Variants in NIT1 observed in about 807,000 individuals in gnomAD.
NIT1 encodes nitrilase 1.
A neutral mutation model predicts 36.8 loss-of-function variants in NIT1; 30 were observed. The observed-to-expected ratio is 0.82, with a 90% CI of 0.61 to 1.11. The LOEUF is 1.11. NIT1 is among the 50% of genes least tolerant of loss of function. NIT1 has a pLI of 0.00. For missense variants in NIT1, 438 were observed against 410.6 expected (o/e 1.07, Z -0.58); for synonymous variants, 151 against 155.6 (o/e 0.97, Z 0.22).
rs1190343183 is a variant in NIT1, at chr1:161,119,175, C to G, written c.140C>G (p.Pro47Arg). Reference protein sequence around the residue: ...MAISSSSCELPLVAVCQVTST... With the variant: ...MAISSSSCELRLVAVCQVTST... ...ATCTCCTCTTCCTCCTGCGAACTGC[C>G]CCTGGTGGCTGTGTGCCAGGTAACA... Residue 47 changes from proline to arginine, a missense_variant, in exon 3 of 7, where the codon CCC becomes CGC. Coordinates refer to ENST00000368009, the MANE Select transcript of NIT1 (RefSeq NM_005600.3). The G allele has an allele frequency of 1.2e-6, 2 of 1,614,104 alleles. No individual in the cohort carries two copies. Among genetic ancestry groups the G allele is most frequent in the Non-Finnish European group, 8.5e-7 (1 of 1,180,014 alleles).
In NIT1 at chr1:161,120,621, A is replaced by G; in HGVS notation, c.840A>G (p.Thr280=). The G allele has an allele frequency of 6.2e-7, 1 of 1,614,202 alleles. No homozygotes were observed. Among genetic ancestry groups the G allele is most frequent in the Non-Finnish European group, 8.5e-7 (1 of 1,180,040 alleles). ...GCATGGTGGTAGACCCCTGGGGAAC[A>G]GTGGTGGCCCGCTGCTCTGAGGGGC... is the stretch of plus-strand genomic sequence containing the variant. ...GHSMVVDPWG[T]VVARCSEGPG... is the part of the protein sequence containing the mutation. The change falls in exon 7 of 7, where the codon ACA becomes ACG. Residue 280 remains threonine, a synonymous_variant. Coordinates refer to ENST00000368009, the MANE Select transcript of NIT1 (RefSeq NM_005600.3).
Position 161,119,806 on chromosome 1 carries a change from T to C in NIT1, c.458-13T>C. On this transcript the variant is annotated splice_polypyrimidine_tract_variant and intron_variant, in intron 4 of 6. Coordinates refer to ENST00000368009, the MANE Select transcript of NIT1 (RefSeq NM_005600.3). ...AGAACACCAGCACTGATATTCCTTCTTTCTTACTGTAGGGGCAGTAGTGGC... is the reference window on the plus strand; with the variant it reads ...AGAACACCAGCACTGATATTCCTTCCTTCTTACTGTAGGGGCAGTAGTGGC... 4.4e-6 allele frequency: 7 copies of C among 1,587,470 alleles called. No homozygotes were observed. Among genetic ancestry groups the C allele is most frequent in the Non-Finnish European group, 6.0e-6 (7 of 1,168,686 alleles).
In NIT1 at chr1:161,118,126, T is replaced by G; in HGVS notation, c.-51T>G. ...GCCCACTCGCTGCGGCGCTTCTGGC[T>G]CCAGACCGCCCTCCGGATCGGACCC... On this transcript the variant is annotated 5_prime_UTR_variant, in exon 1 of 7. Coordinates refer to ENST00000368009, the MANE Select transcript of NIT1 (RefSeq NM_005600.3). 6.2e-7 allele frequency: 1 copy of G among 1,613,784 alleles called. No individual in the cohort carries two copies. The highest frequency in any genetic ancestry group is 8.5e-7 in the Non-Finnish European group (1 of 1,179,880).
At chr1:161,123,415 G>T (rs2101740286), downstream of NIT1, among the ~76,000 whole-genome samples, 1 of 152,318 alleles carries the variant, frequency 6.6e-6, no homozygotes, top group Admixed American at 6.5e-5. Context: ...CAAGGCGGGT[G>T]GATCATGAGG....
At position 161,120,759 on chromosome 1, in the gene NIT1, G is replaced by A; in HGVS notation, c.978G>A (p.Leu326=). 6.2e-7 allele frequency: 1 copy of A among 1,612,910 alleles called. No homozygotes were observed. The highest frequency in any genetic ancestry group is 8.5e-7 in the Non-Finnish European group (1 of 1,179,876). Residue 326 remains leucine (L), a synonymous_variant, in exon 7 of 7, where the codon CTG becomes CTA. Transcript: ENST00000368009. Reference sequence around the variant, plus strand: ...TCTATGGCAATCTGGGTCACCCACTGTCTTAAGACTTGACTTCTGTGAGTT... The same window carrying A: ...TCTATGGCAATCTGGGTCACCCACTATCTTAAGACTTGACTTCTGTGAGTT... ...PDLYGNLGHP[L]S
chr1:161,122,103 G>T (rs759879893), downstream of NIT1: 25 of 1,602,484 alleles, frequency 1.6e-5, no homozygotes, highest in Middle Eastern at 8.9e-4. The surrounding 1 kb of genome is among the most constrained non-coding windows in gnomAD (Gnocchi z 4.2). Flanking sequence ...AAGCTCCAGA[G>T]GTGGGTGATG....
downstream of NIT1, chr1:161,121,305 C>A: frequency 2.3e-6 from 1 of 435,082 alleles, no homozygotes; most frequent in Non-Finnish European, 3.1e-6. Flanking sequence ...TTGCCCAAGC[C>A]AGAAGAAAGC....
chr1:161,124,090 T>C (rs1655881178), downstream of NIT1: 1 of 1,586,830 alleles, frequency 6.3e-7, no homozygotes, highest in Admixed American at 1.7e-5. Flanking sequence ...TGCTCCTTCC[T>C]GGCCTCCCAC....
downstream of NIT1, chr1:161,124,217 A>C (rs751790653): frequency 6.2e-7 from 1 of 1,614,114 alleles, no homozygotes; most frequent in Non-Finnish European, 8.5e-7. Context: ...GCACCTGGCG[A>C]AAGTTACTTT....
chr1:161,122,045 AG>A, downstream of NIT1: 2 of 1,278,608 alleles, frequency 1.6e-6, no homozygotes, highest in African/African-American at 3.0e-5. This position sits in a 1 kb window ranked among gnomAD's most constrained non-coding sequence, Gnocchi z 4.2. Context: ...AAAAAAAGGC[AG>A]GGGTGTGATT....
chr1:161,123,888 G>A, downstream of NIT1: 2 of 1,614,080 alleles, frequency 1.2e-6, no homozygotes, highest in South Asian at 1.1e-5. Flanking sequence ...TGAGGGCTCT[G>A]GGGGTCACAT....
chr1:161,121,919 A>T (rs1655536511), downstream of NIT1: 1 of 542,616 alleles, frequency 1.8e-6, no homozygotes, highest in East Asian at 3.1e-5. Context: ...AGCTGTAGAG[A>T]CACATTACGG....
chr1:161,118,113 C>A lies in NIT1; in HGVS notation c.-64C>A. 6.2e-7 allele frequency: 1 copy of A among 1,613,200 alleles called. No individual in the cohort carries two copies. Among genetic ancestry groups the A allele is most frequent in the South Asian group, 1.1e-5 (1 of 91,068 alleles). On this transcript the variant is annotated 5_prime_UTR_variant, in exon 1 of 7. Transcript: ENST00000368009. ...CCTGCGAGTTACCGCCCACTCGCTG[C>A]GGCGCTTCTGGCTCCAGACCGCCCT...
intron 1 of NIT1, 60 bp downstream of exon 1, chr1:161,118,238 G>C: frequency 2.5e-6 from 4 of 1,613,790 alleles, no homozygotes; most frequent in Non-Finnish European, 3.4e-6. Flanking sequence ...GCTTTAACTT[G>C]TGTAACAGAG....
At chr1:161,123,353 T>C (rs1655746312), downstream of NIT1, 1 of 915,590 alleles carries the variant, frequency 1.1e-6, no homozygotes. Context: ...TGAAAAGACA[T>C]GTGAGACCAG....
At chr1:161,121,735 T>C (rs1401736791), downstream of NIT1, 2 of 163,780 alleles carry the variant, frequency 1.2e-5, no homozygotes, top group South Asian at 3.1e-4. Context: ...ATAGCTCCCT[T>C]ACTCACAGCC....
At chr1:161,120,023 T>C in intron 5 of NIT1, 71 bp downstream of exon 5, 1 of 1,607,470 alleles carries the variant, frequency 6.2e-7, no homozygotes, top group Non-Finnish European at 8.5e-7. Flanking sequence ...TAGAAAGCCC[T>C]AAGAGAGGGG....
At chr1:161,123,773 G>C, downstream of NIT1, 1 of 1,402,128 alleles carries the variant, frequency 7.1e-7, no homozygotes, top group Non-Finnish European at 9.9e-7. Context: ...GCAAAGCCCA[G>C]AATGTGATGG....
At chr1:161,123,878 T>G (rs1451049080), downstream of NIT1, 10 of 1,614,074 alleles carry the variant, frequency 6.2e-6, no homozygotes, top group Non-Finnish European at 8.5e-6. Flanking sequence ...TCTGGATCAC[T>G]GAGGGCTCTG....
Sources: allele counts gnomAD v4.1 joint callset (sites outside exome capture counted in the v4.1 genomes callset), GRCh38; gene constraint gnomAD v4.1.1; non-coding constraint Gnocchi (gnomAD v3.1); transcripts MANE v1.5; gene names NCBI Gene and HGNC (gene_info 2026-07-23, HGNC 2026-07-21).